LAG3: variants seen among roughly 807,000 people sequenced by gnomAD.
LAG3 encodes lymphocyte activating 3.
LAG3 carries 29 observed loss-of-function variants against 49.0 expected under a neutral mutation model. That is an observed-to-expected ratio of 0.59 (90% CI 0.44 to 0.81). The LOEUF (loss-of-function observed/expected upper bound fraction) is 0.81, where lower values mean the gene tolerates loss of function less well. Ranked by LOEUF, LAG3 falls within the 30% of genes least tolerant of loss-of-function variation. The probability of loss-of-function intolerance (pLI) is 0.00; values close to 1 mark genes in which losing one functional copy is unlikely to be tolerated. For synonymous variants in LAG3, 320 were observed against 297.3 expected, an observed-to-expected ratio of 1.08 and a Z score of -0.79; for missense variants, 693 against 695.2, an observed-to-expected ratio of 1.00 and a Z score of 0.04.
At chr12:6,775,960 T>C (rs887169976) in intron 5 of LAG3, among the ~76,000 whole-genome samples, 6 of 152,168 alleles carry the variant, frequency 3.9e-5, no homozygotes, top group Admixed American at 1.3e-4. Flanking sequence ...ATCCGTCCCT[T>C]GGTCAGCAAA....
Position 6,777,405 on chromosome 12 carries a change from C to T in LAG3, c.1199C>T (p.Ala400Val). The change falls in exon 6 of 8, where the codon GCA becomes GTA. Residue 400 changes from alanine to valine, a missense_variant. Coordinates refer to ENST00000203629, the MANE Select transcript of LAG3 (RefSeq NM_002286.6). Reference protein sequence around the residue: ...QRSFSGPWLEAQEAQLLSQPW... With the variant: ...QRSFSGPWLEVQEAQLLSQPW... ...AGTTTCTCAGGACCTTGGCTGGAGG[C>T]ACAGGAGGCCCAGCTCCTTTCCCAG... is the stretch of plus-strand genomic sequence containing the variant. 6.2e-7 allele frequency: 1 copy of T among 1,614,216 alleles called. No homozygotes were observed. The highest frequency in any genetic ancestry group is 8.5e-7 in the Non-Finnish European group (1 of 1,180,034).
chr12:6,777,357 C>G lies in LAG3; in HGVS notation c.1151C>G (p.Ser384Cys), dbSNP rs1420702331. 2 of 1,614,208 alleles carry G rather than the reference C, an allele frequency of 1.2e-6. No homozygotes were observed. Among genetic ancestry groups the G allele is most frequent in the South Asian group, 2.2e-5 (2 of 91,086 alleles). The change falls in exon 6 of 8, where the codon TCT becomes TGT. Residue 384 changes from serine (S) to cysteine (C), a missense_variant. Ser to Cys is a moderately radical substitution (Grantham distance 112). Coordinates refer to ENST00000203629, the MANE Select transcript of LAG3 (RefSeq NM_002286.6). ...VSGQERFVWSSLDTPSQRSFS... is the reference protein window; with the variant it reads ...VSGQERFVWSCLDTPSQRSFS... ...GGACAAGAACGCTTTGTGTGGAGCT[C>G]TCTGGACACCCCATCCCAGAGGAGT...
chr12:6,775,691 C>T lies in LAG3; in HGVS notation c.1057+143C>T, dbSNP rs1019606992. 1.6e-5 allele frequency: 12 copies of T among 734,238 alleles called. No homozygotes were observed. The African/African-American group carries it at 2.1e-4, about 13-fold the overall frequency. 45.5% of individuals were successfully genotyped at this position (734,238 alleles called of 1,614,324 possible). On this transcript the variant is annotated intron_variant, in intron 5 of 7. Coordinates refer to ENST00000203629, the MANE Select transcript of LAG3 (RefSeq NM_002286.6). ...AGTTCCAGAGCCTGCCCATCTCGGC[C>T]CCCACTTTTCTCACCCCCATAATAA...
In LAG3 at chr12:6,777,281, G is replaced by A. The variant is rs1347914446; in HGVS notation, c.1075G>A (p.Gly359Arg). ...AIITVTPKSFGSPGSLGKLLC... is the reference protein window; with the variant it reads ...AIITVTPKSFRSPGSLGKLLC... Reference sequence around the variant, plus strand: ...CTTTTCAGTGACTCCCAAATCCTTTGGGTCACCTGGATCCCTGGGGAAGCT... The same window carrying A: ...CTTTTCAGTGACTCCCAAATCCTTTAGGTCACCTGGATCCCTGGGGAAGCT... The change falls in exon 6 of 8, where the codon GGG (glycine) becomes AGG (arginine). Residue 359 changes from glycine to arginine, a missense_variant. Coordinates refer to ENST00000203629, the MANE Select transcript of LAG3 (RefSeq NM_002286.6). 1 of 1,613,958 alleles carries A rather than the reference G, an allele frequency of 6.2e-7. No individual in the cohort carries two copies. The highest frequency in any genetic ancestry group is 8.5e-7 in the Non-Finnish European group (1 of 1,180,014).
intron 5 of LAG3, 76 bp downstream of exon 5, chr12:6,775,624 G>T: frequency 2.7e-6 from 4 of 1,481,238 alleles, no homozygotes; most frequent in Non-Finnish European, 3.7e-6. Context: ...GCAGGGCAAA[G>T]ACTAGGCAAA....
chr12:6,774,817 A>G lies in LAG3; in HGVS notation c.734A>G (p.Tyr245Cys). ...DSGPWGCILT[Y>C]RDGFNVSIMY... ...GGGCCCTGGGGCTGCATCCTCACCTACAGAGATGGCTTCAACGTCTCCATC... is the reference window on the plus strand; with the variant it reads ...GGGCCCTGGGGCTGCATCCTCACCTGCAGAGATGGCTTCAACGTCTCCATC... Residue 245 changes from tyrosine to cysteine, a missense_variant, in exon 4 of 8, where the codon TAC becomes TGC. By Grantham distance (194) the Tyr-to-Cys change is radical. Transcript: ENST00000203629. 1 of 1,613,858 alleles carries G rather than the reference A, an allele frequency of 6.2e-7. No individual in the cohort carries two copies. Among genetic ancestry groups the G allele is most frequent in the Non-Finnish European group, 8.5e-7 (1 of 1,179,922 alleles).
At chr12:6,777,131 C>A in intron 5 of LAG3, 133 bp from the exon 6 acceptor site, 1 of 886,424 alleles carries the variant, frequency 1.1e-6, no homozygotes, top group Non-Finnish European at 1.8e-6. Context: ...GGCCATGACC[C>A]ATGATGTCCT....
chr12:6,776,001 T>C lies in LAG3; in HGVS notation c.1057+453T>C, dbSNP rs559502237. Among the ~76,000 whole-genome samples the C allele has an allele frequency of 9.9e-5, 15 of 152,194 alleles. No individual in the cohort carries two copies. In the East Asian group the frequency reaches 2.7e-3, roughly 27 times the overall value. On this transcript the variant is annotated intron_variant, in intron 5 of 7. Transcript: ENST00000203629. Reference sequence around the variant, plus strand: ...ACTGAGCAAGGGTTTTCCAAGACAGTATAAAACAAACACAGAAAAAAGAAT... The same window carrying C: ...ACTGAGCAAGGGTTTTCCAAGACAGCATAAAACAAACACAGAAAAAAGAAT...
chr12:6,773,145 C>T lies in LAG3; in HGVS notation c.59-47C>T. On this transcript the variant is annotated intron_variant, in intron 1 of 7. Coordinates refer to ENST00000203629, the MANE Select transcript of LAG3 (RefSeq NM_002286.6). This position sits in a 1 kb window ranked among gnomAD's most constrained non-coding sequence, Gnocchi z 5.5. ...ACCCAGGCTCCTTCTCTACCCCTGC[C>T]TCTCGGCTCACGCCCCCTCCCCTTG... 1 of 1,570,780 alleles carries T rather than the reference C, an allele frequency of 6.4e-7. No individual in the cohort carries two copies. The highest frequency in any genetic ancestry group is 8.6e-7 in the Non-Finnish European group (1 of 1,161,116).
Position 6,773,767 on chromosome 12 carries a change from G to C in LAG3, c.277G>C (p.Gly93Arg). ...TCACCCGGCGGCGCCCTCCTCCTGG[G>C]GGCCCAGGCCCCGCCGCTACACGGT... The part of the protein sequence containing the change: ...GPHPAAPSSW[G>R]PRPRRYTVLS... Residue 93 changes from glycine to arginine, a missense_variant, in exon 3 of 8, where the codon GGG (glycine) becomes CGG (arginine). Gly to Arg is a moderately radical substitution (Grantham distance 125). Transcript: ENST00000203629. This position sits in a 1 kb window ranked among gnomAD's most constrained non-coding sequence, Gnocchi z 5.5. The C allele has an allele frequency of 7.5e-7, 1 of 1,331,516 alleles. No homozygotes were observed. The highest frequency in any genetic ancestry group is 9.5e-7 in the Non-Finnish European group (1 of 1,047,318). 82.5% of individuals were successfully genotyped at this position (1,331,516 alleles called of 1,614,324 possible).
rs1592498293 is a variant in LAG3, at chr12:6,778,454, A to G, written c.*64A>G. On this transcript the variant is annotated 3_prime_UTR_variant, in exon 8 of 8. Transcript: ENST00000203629. The stretch of plus-strand genomic sequence containing the variant: ...TCCAAATAAACTCCCTGTCAGCAGC[A>G]AGCCTGAGTCTGGCTCTTTCTTGTC... 6.3e-7 allele frequency: 1 copy of G among 1,575,108 alleles called. No homozygotes were observed. The highest frequency in any genetic ancestry group is 8.6e-7 in the Non-Finnish European group (1 of 1,166,634).
chr12:6,774,962 C>A, intron 4 of LAG3, 98 bp downstream of exon 4: 2 of 1,236,398 alleles, frequency 1.6e-6, no homozygotes, highest in Non-Finnish European at 2.3e-6. Flanking sequence ...TTCTCGGCAG[C>A]GAGTGGCCTA....
chr12:6,775,016 G>C (rs112801541), intron 4 of LAG3, 152 bp downstream of exon 4: 1 of 888,872 alleles, frequency 1.1e-6, no homozygotes, highest in African/African-American at 1.7e-5. Flanking sequence ...TTATATTGCT[G>C]GCAGCCTCAC....
intron 5 of LAG3, 52 bp downstream of exon 5, chr12:6,775,600 G>A: frequency 1.3e-6 from 2 of 1,583,462 alleles, no homozygotes; most frequent in Non-Finnish European, 8.6e-7. Flanking sequence ...AGAAAGGACA[G>A]GGAGGAAGGG....
In LAG3 at chr12:6,773,816, T is replaced by C. The variant is rs746520466; in HGVS notation, c.326T>C (p.Leu109Pro). 1 of 1,401,362 alleles carries C rather than the reference T, an allele frequency of 7.1e-7. No individual in the cohort carries two copies. Among genetic ancestry groups the C allele is most frequent in the South Asian group, 1.5e-5 (1 of 65,908 alleles). 86.8% of individuals were successfully genotyped at this position (1,401,362 alleles called of 1,614,324 possible). ...YTVLSVGPGG[L>P]RSGRLPLQPR... ...GTGCTGAGCGTGGGTCCCGGAGGCC[T>C]GCGCAGCGGGAGGCTGCCCCTGCAG... The change falls in exon 3 of 8, where the codon CTG becomes CCG. Residue 109 changes from leucine to proline, a missense_variant. Transcript: ENST00000203629. This position sits in a 1 kb window ranked among gnomAD's most constrained non-coding sequence, Gnocchi z 5.5.
Position 6,774,782 on chromosome 12 carries a change from C to T in LAG3, c.699C>T (p.Pro233=), listed in dbSNP as rs1379799741. ...ESFLFLPQVS[P]MDSGPWGCIL... is the part of the protein sequence containing the mutation. ...TCCTCTTCCTGCCCCAAGTCAGCCC[C>T]ATGGACTCTGGGCCCTGGGGCTGCA... The change falls in exon 4 of 8, where the codon CCC becomes CCT. Residue 233 remains proline, a synonymous_variant. Coordinates refer to ENST00000203629, the MANE Select transcript of LAG3 (RefSeq NM_002286.6). The T allele has an allele frequency of 1.9e-6, 3 of 1,614,060 alleles. No individual in the cohort carries two copies. Among genetic ancestry groups the T allele is most frequent in the Non-Finnish European group, 2.5e-6 (3 of 1,180,022 alleles).
At position 6,778,345 on chromosome 12, in the gene LAG3, G is replaced by GCCGGAA; in HGVS notation, c.1539_1544dup (p.Pro522_Glu523dup). 1.2e-6 allele frequency: 2 copies of GCCGGAA among 1,610,102 alleles called. No homozygotes were observed. Among genetic ancestry groups the GCCGGAA allele is most frequent in the Admixed American group, 1.7e-5 (1 of 59,816 alleles). ...AGCAAGAACCGGAGCCGGAGCCGGA[G>GCCGGAA]CCGGAACCGGAGCCCGAGCCCGAGC... On this transcript the variant is annotated inframe_insertion, in exon 8 of 8. Transcript: ENST00000203629.
At position 6,777,443 on chromosome 12, in the gene LAG3, C is replaced by T; in HGVS notation, c.1237C>T (p.Gln413Ter). 6.2e-7 allele frequency: 1 copy of T among 1,614,192 alleles called. No homozygotes were observed. Among genetic ancestry groups the T allele is most frequent in the East Asian group, 2.2e-5 (1 of 44,882 alleles). ...AQLLSQPWQC[Q>*]LYQGERLLGA... Reference sequence around the variant, plus strand: ...GCTCCTTTCCCAGCCTTGGCAATGCCAGCTGTACCAGGGGGAGAGGCTTCT... The same window carrying T: ...GCTCCTTTCCCAGCCTTGGCAATGCTAGCTGTACCAGGGGGAGAGGCTTCT... The change falls in exon 6 of 8, where the codon CAG becomes TAG. Residue 413 changes from glutamine to a stop codon, truncating the protein, a stop_gained. Coordinates refer to ENST00000203629, the MANE Select transcript of LAG3 (RefSeq NM_002286.6). LOFTEE classifies it high-confidence loss of function.
At position 6,777,874 on chromosome 12, in the gene LAG3, C is replaced by A; in HGVS notation, c.1384C>A (p.Leu462Ile). 1 of 1,613,986 alleles carries A rather than the reference C, an allele frequency of 6.2e-7. No individual in the cohort carries two copies. Among genetic ancestry groups the A allele is most frequent in the East Asian group, 2.2e-5 (1 of 44,874 alleles). ...TCTCATCCTTGGTGTCCTTTCTCTGCTCCTTTTGGTGACTGGAGCCTTTGG... is the reference window on the plus strand; with the variant it reads ...TCTCATCCTTGGTGTCCTTTCTCTGATCCTTTTGGTGACTGGAGCCTTTGG... ...LFLILGVLSLLLLVTGAFGFH... is the reference protein window; with the variant it reads ...LFLILGVLSLILLVTGAFGFH... Residue 462 changes from leucine (L) to isoleucine (I), a missense_variant, in exon 7 of 8, where the codon CTC becomes ATC. Transcript: ENST00000203629.
Sources: gnomAD v4.1 joint callset for allele counts (sites outside exome capture counted in the v4.1 genomes callset) on GRCh38, gnomAD v4.1.1 for gene constraint, Gnocchi (gnomAD v3.1) non-coding constraint, MANE v1.5 for transcripts, NCBI Gene and HGNC (gene_info 2026-07-23, HGNC 2026-07-21) for gene names.